Variants in RNF170 observed in about 807,000 individuals in gnomAD.
RNF170 encodes the protein E3 ubiquitin-protein ligase RNF170.
RNF170 carries 12 observed loss-of-function variants against 32.7 expected under a neutral mutation model. That is an observed-to-expected ratio of 0.37 (90% CI 0.24 to 0.60). The LOEUF is 0.60. Ranked by LOEUF, RNF170 falls within the 20% of genes least tolerant of loss-of-function variation. The pLI is 0.72. For synonymous variants in RNF170, 91 were observed against 103.6 expected (o/e 0.88, Z 0.74); for missense variants, 212 against 311.2 (o/e 0.68, Z 2.40).
At chr8:42,860,875 A>G (rs1345886364) in intron 6 of RNF170, among the ~76,000 whole-genome samples, 1 of 151,524 alleles carries the variant, frequency 6.6e-6, no homozygotes, top group African/African-American at 2.4e-5. Context: ...CTGCCACCAC[A>G]CTCAGCTAAT....
chr8:42,889,271 C>T (rs1417099294), intron 1 of RNF170: 3 of 152,056 alleles, frequency 2.0e-5, no homozygotes, highest in Non-Finnish European at 4.4e-5. Context: ...ACTTTCCTTC[C>T]TACACTCTAA....
At chr8:42,889,003 C>T (rs920811429) in intron 1 of RNF170, among the ~76,000 whole-genome samples, 1 of 152,008 alleles carries the variant, frequency 6.6e-6, no homozygotes, top group African/African-American at 2.4e-5. Flanking sequence ...CACAATAGGA[C>T]CTAATAGATA....
intron 1 of RNF170, among the ~76,000 whole-genome samples, chr8:42,889,713 A>G (rs966744432): frequency 6.6e-6 from 1 of 152,192 alleles, no homozygotes; most frequent in Non-Finnish European, 1.5e-5. Context: ...ACTATTACGA[A>G]GGTGCACACC....
At chr8:42,861,942 AG>A in intron 5 of RNF170, 87 bp from the exon 6 acceptor site, 1 of 1,347,390 alleles carries the variant, frequency 7.4e-7, no homozygotes, top group South Asian at 1.4e-5. Context: ...AGAATGATAA[AG>A]GCTTCTATAT....
intron 3 of RNF170, among the ~76,000 whole-genome samples, chr8:42,870,555 C>T (rs1804446517): frequency 1.3e-5 from 2 of 151,626 alleles, no homozygotes; most frequent in Non-Finnish European, 2.9e-5. Flanking sequence ...GGCAAAACCC[C>T]ATCTCTACAA....
intron 4 of RNF170, among the ~76,000 whole-genome samples, chr8:42,866,611 A>G (rs1300387220): frequency 6.6e-6 from 1 of 152,068 alleles, no homozygotes; most frequent in Non-Finnish European, 1.5e-5. Context: ...TAGTACAAGC[A>G]AGGAATCAAA....
rs1319552426 is a variant in RNF170, at chr8:42,855,303, C to T, written c.*856G>A. On this transcript the variant is annotated 3_prime_UTR_variant, in exon 7 of 7. Transcript: ENST00000527424. ...GGAGTGCAGTGGCGCAATCCACCTC[C>T]TGGGTTTACGCCATTCTTCTGCCTC... 2 of 1,066,870 alleles carry T rather than the reference C, an allele frequency of 1.9e-6. No individual in the cohort carries two copies. Among genetic ancestry groups the T allele is most frequent in the East Asian group, 5.9e-5 (1 of 16,996 alleles). 66.1% of individuals were successfully genotyped at this position (1,066,870 alleles called of 1,614,324 possible).
intron 2 of RNF170, among the ~76,000 whole-genome samples, chr8:42,882,305 GC>G (rs1805478365): frequency 2.0e-5 from 3 of 152,192 alleles, no homozygotes; most frequent in Admixed American, 2.0e-4. Flanking sequence ...ATTCACAACA[GC>G]CAAAAGGTGG....
At chr8:42,886,181 G>A (rs1286803846) in intron 2 of RNF170, among the ~76,000 whole-genome samples, 2 of 151,570 alleles carry the variant, frequency 1.3e-5, no homozygotes, top group East Asian at 1.9e-4. Context: ...CCGAGATCAC[G>A]CCACTGCACT....
At chr8:42,879,464 A>C (rs1805205405) in intron 2 of RNF170, among the ~76,000 whole-genome samples, 1 of 151,934 alleles carries the variant, frequency 6.6e-6, no homozygotes, top group Admixed American at 6.6e-5. Context: ...CAGCCTGGCC[A>C]ACACAGTGAA....
chr8:42,885,505 C>A (rs1285143984), intron 2 of RNF170, among the ~76,000 whole-genome samples: 2 of 152,152 alleles, frequency 1.3e-5, no homozygotes, highest in African/African-American at 2.4e-5. Flanking sequence ...AGCAACTGTA[C>A]CATTTTATAC....
chr8:42,858,760 G>T (rs1327199100), intron 6 of RNF170, among the ~76,000 whole-genome samples: 1 of 152,212 alleles, frequency 6.6e-6, no homozygotes. Flanking sequence ...GAAGGAGTTT[G>T]TGTGTGTGCT....
chr8:42,865,538 T>C, intron 4 of RNF170, 49 bp from the exon 5 acceptor site: 1 of 1,254,644 alleles, frequency 8.0e-7, no homozygotes, highest in Non-Finnish European at 1.2e-6. Flanking sequence ...ATTGATGTTT[T>C]AAAGTCCACA....
chr8:42,876,643 T>C (rs1437306519), intron 2 of RNF170, among the ~76,000 whole-genome samples: 2 of 151,034 alleles, frequency 1.3e-5, no homozygotes, highest in African/African-American at 4.9e-5. Flanking sequence ...CTATGGTTAT[T>C]TGTTTTTTTG....
intron 2 of RNF170, among the ~76,000 whole-genome samples, chr8:42,882,043 T>C (rs1805455456): frequency 6.6e-6 from 1 of 152,190 alleles, no homozygotes; most frequent in Non-Finnish European, 1.5e-5. Context: ...AGTGAGTTAC[T>C]ACTTCATACC....
chr8:42,882,518 A>G (rs1330841626), intron 2 of RNF170, among the ~76,000 whole-genome samples: 1 of 152,210 alleles, frequency 6.6e-6, no homozygotes, highest in Non-Finnish European at 1.5e-5. Context: ...ACCATACCCA[A>G]TGAAATATTA....
At chr8:42,861,545 GTTTCCA>G (rs1190128009) in intron 6 of RNF170, 194 bp downstream of exon 6, 1 of 544,424 alleles carries the variant, frequency 1.8e-6, no homozygotes, top group African/African-American at 1.9e-5. Flanking sequence ...GTTTCATCAT[GTTTCCA>G]AGGCTGGTCT....
chr8:42,865,581 T>G (rs1046506895), intron 4 of RNF170, 92 bp from the exon 5 acceptor site: 2 of 936,138 alleles, frequency 2.1e-6, no homozygotes, highest in African/African-American at 3.2e-5. Context: ...TTTGAAATAT[T>G]TTAACAGTAC....
At chr8:42,874,291 A>C (rs553569805) in intron 2 of RNF170, among the ~76,000 whole-genome samples, 1 of 152,310 alleles carries the variant, frequency 6.6e-6, no homozygotes, top group Admixed American at 6.5e-5. Context: ...TGTAAAGAAC[A>C]TTTGTTTCTT....
Sources: gnomAD v4.1 joint callset for allele counts (sites outside exome capture counted in the v4.1 genomes callset) on GRCh38, gnomAD v4.1.1 for gene constraint, MANE v1.5 for transcripts, NCBI Gene and HGNC (gene_info 2026-07-23, HGNC 2026-07-21) for gene names.